The following COL12A1 variants were observed in gnomAD, a reference collection of about 807,000 sequenced individuals.
The protein encoded by COL12A1 is collagen alpha-1(XII) chain.
Under a neutral mutation model 349.7 loss-of-function variants are expected in COL12A1, and 114 were observed. The observed-to-expected ratio is 0.33, with a 90% confidence interval of 0.28 to 0.38. The LOEUF is 0.38. Among genes scored for constraint, COL12A1 ranks in the 10% least tolerant of loss-of-function variants. The probability of loss-of-function intolerance (pLI) is 1.00; values close to 1 mark genes in which losing one functional copy is unlikely to be tolerated. For missense variants in COL12A1, 3,284 were observed against 3,756.9 expected (o/e 0.87, Z 3.29); for synonymous variants, 1,369 against 1,329.0 (o/e 1.03, Z -0.66).
At position 75,132,196 on chromosome 6, in the gene COL12A1, T is replaced by C. The variant is rs950970144; in HGVS notation, c.5795-114A>G. 17 of 1,282,928 alleles carry C rather than the reference T, an allele frequency of 1.3e-5. No individual in the cohort carries two copies. In the South Asian group the frequency reaches 2.6e-4, roughly 19 times the overall value. The allele number at this position is 1,282,928 out of a possible 1,614,324, so 79.5% of individuals were successfully genotyped here. Reference sequence around the variant, plus strand: ...ACAGGATAAAATGCTATCTTCTTTATACTTCTAATTACCTACACACAAAGG... The same window carrying C: ...ACAGGATAAAATGCTATCTTCTTTACACTTCTAATTACCTACACACAAAGG... On this transcript the variant is annotated intron_variant, in intron 34 of 65. Transcript: ENST00000322507.
intron 24 of COL12A1, 92 bp from the exon 25 acceptor site, chr6:75,145,547 G>T: frequency 8.0e-7 from 1 of 1,245,880 alleles, no homozygotes. Context: ...ATTTGTACTA[G>T]ATTATAATAC....
In COL12A1 at chr6:75,130,738, C is replaced by A. The variant is rs993359404; in HGVS notation, c.6067+114G>T. The A allele has an allele frequency of 1.4e-5, 19 of 1,351,934 alleles. No homozygotes were observed. The African/African-American group carries it at 2.8e-4, about 20-fold the overall frequency. 83.7% of individuals were successfully genotyped at this position (1,351,934 alleles called of 1,614,324 possible). A position where few individuals can be genotyped will look rare whatever the true frequency, so the allele number is the denominator to read the frequency against. ...CGCCTGGAATGTAAATGTAGGGGAT[C>A]CCAGGCAGAAAGCACCCATCTCTCA... is the stretch of plus-strand genomic sequence containing the variant. On this transcript the variant is annotated intron_variant, in intron 36 of 65. Transcript: ENST00000322507.
intron 27 of COL12A1, 117 bp downstream of exon 27, chr6:75,141,915 A>G: frequency 7.9e-7 from 1 of 1,258,476 alleles, no homozygotes; most frequent in Non-Finnish European, 1.1e-6. Context: ...TATGAATCCA[A>G]GCATTATTAA....
In COL12A1 at chr6:75,085,692, A is replaced by T. The variant is rs1767455119; in HGVS notation, c.*855T>A. On this transcript the variant is annotated 3_prime_UTR_variant, in exon 66 of 66. Transcript: ENST00000322507. Reference sequence around the variant, plus strand: ...TTCGCAAATCCCCAAGTAACTGTTTATGCCTTCAAACTCCTCAATTCAAAG... The same window carrying T: ...TTCGCAAATCCCCAAGTAACTGTTTTTGCCTTCAAACTCCTCAATTCAAAG... The T allele has an allele frequency of 4.0e-6, 1 of 252,802 alleles. No homozygotes were observed. The highest frequency in any genetic ancestry group is 8.1e-6 in the Non-Finnish European group (1 of 124,058). The allele number at this position is 252,802 out of a possible 1,614,324, so 15.7% of individuals were successfully genotyped here. A position where few individuals can be genotyped will look rare whatever the true frequency, so the allele number is the denominator to read the frequency against.
chr6:75,203,538 A>C (rs1314702183), intron 1 of COL12A1, among the ~76,000 whole-genome samples: 2 of 152,260 alleles, frequency 1.3e-5, no homozygotes. Flanking sequence ...TTTTTAAATA[A>C]AAATTATCAA....
Position 75,105,332 on chromosome 6 carries a change from G to GA in COL12A1, c.8179-41dup, listed in dbSNP as rs757998746. 3.6e-5 allele frequency: 54 copies of GA among 1,518,776 alleles called. No homozygotes were observed. The East Asian group carries it at 9.2e-4, about 26-fold the overall frequency. The allele number at this position is 1,518,776 out of a possible 1,614,324, so 94.1% of individuals were successfully genotyped here. On this transcript the variant is annotated intron_variant, in intron 53 of 65. Coordinates refer to ENST00000322507, the MANE Select transcript of COL12A1 (RefSeq NM_004370.6). ...AGAATATTTACCTTTAAATTTAGAG[G>GA]AAAAAAATGACTTCCCATCCCCACC... is the stretch of plus-strand genomic sequence containing the variant.
chr6:75,204,606 G>A (rs1770682510), intron 1 of COL12A1, among the ~76,000 whole-genome samples: 1 of 152,010 alleles, frequency 6.6e-6, no homozygotes, highest in African/African-American at 2.4e-5. Flanking sequence ...ATCTGAAAGC[G>A]GCCGCCCCTA....
chr6:75,125,437 G>C (rs757159379), intron 39 of COL12A1, among the ~76,000 whole-genome samples, 164 bp from the exon 40 acceptor site: 7 of 152,156 alleles, frequency 4.6e-5, no homozygotes, highest in Non-Finnish European at 1.0e-4. Context: ...TGACAAATAT[G>C]AAACTGTAAG....
At chr6:75,109,215 T>C in intron 51 of COL12A1, 48 bp from the exon 52 acceptor site, 1 of 1,354,152 alleles carries the variant, frequency 7.4e-7, no homozygotes, top group Non-Finnish European at 1.0e-6. Flanking sequence ...ACTAAAAAAA[T>C]TAGCTGACTC....
At position 75,116,064 on chromosome 6, in the gene COL12A1, T is replaced by A. The variant is rs1192218743; in HGVS notation, c.7520-7A>T. 1.9e-6 allele frequency: 3 copies of A among 1,613,100 alleles called. No individual in the cohort carries two copies. Among genetic ancestry groups the A allele is most frequent in the South Asian group, 2.2e-5 (2 of 91,044 alleles). The stretch of plus-strand genomic sequence containing the variant: ...AAATAAATGAGAGGACAACCTGCAA[T>A]GTACAGTGTTCTTTAAGTATGATTC... On this transcript the variant is annotated splice_region_variant and splice_polypyrimidine_tract_variant and intron_variant, in intron 47 of 65. Transcript: ENST00000322507.
At chr6:75,203,123 T>C (rs1268378431) in intron 1 of COL12A1, among the ~76,000 whole-genome samples, 1 of 152,232 alleles carries the variant, frequency 6.6e-6, no homozygotes, top group Non-Finnish European at 1.5e-5. Flanking sequence ...GACTTCATCC[T>C]GCCTGGGTAA....
intron 8 of COL12A1, among the ~76,000 whole-genome samples, chr6:75,184,561 T>C (rs1769507714): frequency 6.6e-6 from 1 of 152,282 alleles, no homozygotes; most frequent in South Asian, 2.1e-4. Context: ...AATAACATCA[T>C]AAAAGTGTAA....
intron 43 of COL12A1, 93 bp downstream of exon 43, chr6:75,123,237 T>C (rs1765833522): frequency 9.3e-7 from 1 of 1,070,446 alleles, no homozygotes; most frequent in Non-Finnish European, 1.4e-6. Flanking sequence ...TCAGAAATGT[T>C]CTATATTAAT....
chr6:75,097,121 A>G, intron 59 of COL12A1, 132 bp downstream of exon 59: 1 of 562,592 alleles, frequency 1.8e-6, no homozygotes, highest in Non-Finnish European at 3.1e-6. Flanking sequence ...GATGTAGGTA[A>G]ATAAAAACAC....
At chr6:75,100,239 C>G (rs1216773747) in intron 58 of COL12A1, among the ~76,000 whole-genome samples, 1 of 152,138 alleles carries the variant, frequency 6.6e-6, no homozygotes, top group Non-Finnish European at 1.5e-5. Context: ...ATGGTGATGG[C>G]TGTCTGAGCA....
rs1454039933 is a variant in COL12A1 at position 75,087,265 on chromosome 6, C to T, written c.9181+312G>A. 1.3e-5 allele frequency: 4 copies of T among 303,752 alleles called. No individual in the cohort carries two copies. The East Asian group carries it at 1.4e-4, about 11-fold the overall frequency. 18.8% of individuals were successfully genotyped at this position (303,752 alleles called of 1,614,324 possible). The stretch of plus-strand genomic sequence containing the variant: ...AGTTGTATTTAACAAATCCCTGTTC[C>T]CAATCTTGGGGAAAAGAAAAAAAAA... On this transcript the variant is annotated intron_variant, in intron 65 of 65. Transcript: ENST00000322507.
chr6:75,132,001 C>T lies in COL12A1; in HGVS notation c.5876G>A (p.Gly1959Glu), dbSNP rs1179773170. The change falls in exon 35 of 66, where the codon GGA becomes GAA. Residue 1959 changes from glycine to glutamate, a missense_variant. Gly to Glu is a moderately conservative substitution (Grantham distance 98). Around this residue, in one of 2 missense-constraint regions of COL12A1, gnomAD observed 2,601 missense variants for 2,824.8 expected, o/e 0.92. Transcript: ENST00000322507. ...SLDVRWDPAP[G>E]PVLQYRVVYS... is the part of the protein sequence containing the mutation. ...CACAACGCGATATTGCAGCACAGGT[C>T]CTGGAGCAGGGTCCCAGCGAACATC... is the stretch of plus-strand genomic sequence containing the variant. 24 of 1,613,992 alleles carry T rather than the reference C, an allele frequency of 1.5e-5. No homozygotes were observed. Among genetic ancestry groups the T allele is most frequent in the African/African-American group, 2.7e-5 (2 of 74,912 alleles).
Position 75,089,637 on chromosome 6 carries a change from A to T in COL12A1, c.8942-463T>A, listed in dbSNP as rs147592766. Among the ~76,000 whole-genome samples, 990 of 152,332 alleles carry T rather than the reference A, an allele frequency of 6.5e-3. 14 individuals are homozygous for T. Among genetic ancestry groups the T allele is most frequent in the Middle Eastern group, 0.031 (9 of 294 alleles). On this transcript the variant is annotated intron_variant, in intron 63 of 65. Transcript: ENST00000322507. Reference sequence around the variant, plus strand: ...AATCCTGAAATATCTGGAATCAAATAGTCCTGTTTTTCTCCTTTTCCTTCA... The same window carrying T: ...AATCCTGAAATATCTGGAATCAAATTGTCCTGTTTTTCTCCTTTTCCTTCA...
At chr6:75,136,280 A>G (rs1195432562) in intron 31 of COL12A1, among the ~76,000 whole-genome samples, 1 of 152,208 alleles carries the variant, frequency 6.6e-6, no homozygotes, top group Admixed American at 6.5e-5. Context: ...ATAAATGTCT[A>G]TTGATTACAG....
Sources: allele counts gnomAD v4.1 joint callset (sites outside exome capture counted in the v4.1 genomes callset), GRCh38; gene constraint gnomAD v4.1.1; regional missense constraint gnomAD v4.1.1; transcripts MANE v1.5; gene names NCBI Gene and HGNC (gene_info 2026-07-23, HGNC 2026-07-21).